The following PTPRD variants were observed in gnomAD, a reference collection of about 807,000 sequenced individuals.
The protein encoded by PTPRD is protein tyrosine phosphatase receptor type D, also known as receptor-type tyrosine-protein phosphatase delta.
A neutral mutation model predicts 214.5 loss-of-function variants in PTPRD; 34 were observed. That is an observed-to-expected ratio of 0.16 (90% confidence interval 0.12 to 0.21). PTPRD has a LOEUF of 0.21. Ranked by LOEUF, PTPRD falls within the 10% of genes least tolerant of loss-of-function variation. The probability of loss-of-function intolerance (pLI) is 1.00; values close to 1 mark genes in which losing one functional copy is unlikely to be tolerated. For synonymous variants in PTPRD, 1,128 were observed against 845.7 expected (o/e 1.33, Z -5.79); for missense variants, 2,545 against 2,398.7 (o/e 1.06, Z -1.27).
intron 9 of PTPRD, among the ~76,000 whole-genome samples, chr9:9,397,015 G>T (rs535747446): frequency 3.3e-5 from 5 of 151,986 alleles, no homozygotes; most frequent in Non-Finnish European, 5.9e-5. Context: ...AATTATGTAA[G>T]CTAAGGAATG....
At chr9:10,483,690 A>T (rs1051374749) in intron 2 of PTPRD, among the ~76,000 whole-genome samples, 5 of 152,180 alleles carry the variant, frequency 3.3e-5, no homozygotes, top group African/African-American at 4.8e-5. Flanking sequence ...AATGTCACTA[A>T]TCATCAGGGA....
At chr9:9,593,056 G>C (rs1339476127) in intron 7 of PTPRD, among the ~76,000 whole-genome samples, 1 of 140,674 alleles carries the variant, frequency 7.1e-6, no homozygotes, top group African/African-American at 2.7e-5. Context: ...AAGAGAAAGA[G>C]AAAGAGAGAA....
intron 11 of PTPRD, among the ~76,000 whole-genome samples, chr9:8,874,494 T>C (rs1193079949): frequency 6.6e-6 from 1 of 152,170 alleles, no homozygotes; most frequent in Non-Finnish European, 1.5e-5. Context: ...TTCCCAATAT[T>C]GTTCCTTCTC....
intron 2 of PTPRD, among the ~76,000 whole-genome samples, chr9:10,412,390 A>C (rs2098445039): frequency 6.6e-6 from 1 of 151,764 alleles, no homozygotes; most frequent in Non-Finnish European, 1.5e-5. Flanking sequence ...TGAACAGACC[A>C]ATAATTAGCT....
At chr9:8,384,023 A>G (rs1398778265) in intron 37 of PTPRD, among the ~76,000 whole-genome samples, 2 of 152,218 alleles carry the variant, frequency 1.3e-5, no homozygotes, top group Non-Finnish European at 2.9e-5. Context: ...AGTCAAGAGA[A>G]GATAGATGAA....
chr9:9,186,659 TCTCTCTCA>T lies in PTPRD; in HGVS notation c.-202-3304_-202-3297del, dbSNP rs1396345859. ...CTCTCTCTCTCTCTCTCTCTCTCTC[TCTCTCTCA>T]CACACACACACACAAACACACGTAT... is the stretch of plus-strand genomic sequence containing the variant. On this transcript the variant is annotated intron_variant, in intron 9 of 45. Transcript: ENST00000381196. 1.9e-3 allele frequency among the ~76,000 whole-genome samples: 236 copies of T among 123,664 alleles called. 2 individuals are homozygous for T. Among genetic ancestry groups the T allele is most frequent in the African/African-American group, 6.1e-3 (219 of 36,128 alleles). 81.1% of individuals were successfully genotyped at this position (123,664 alleles called of 152,430 possible).
rs1250376766 is a variant in PTPRD, at chr9:9,760,615, C to A, written c.-326+6195G>T. 5.0e-5 allele frequency among the ~76,000 whole-genome samples: 6 copies of A among 119,682 alleles called. No individual in the cohort carries two copies. The East Asian group carries it at 1.6e-3, about 31-fold the overall frequency. The allele number at this position is 119,682 out of a possible 152,430, so 78.5% of individuals were successfully genotyped here. A position where few individuals can be genotyped will look rare whatever the true frequency, so the allele number is the denominator to read the frequency against. ...CAGCTATCATACACACACACACACA[C>A]ACACACACACACACACACACACACA... On this transcript the variant is annotated intron_variant, in intron 6 of 45. Coordinates refer to ENST00000381196, the MANE Select transcript of PTPRD (RefSeq NM_002839.4).
At chr9:8,639,942 G>GT (rs1176604244) in intron 12 of PTPRD, among the ~76,000 whole-genome samples, 1 of 152,060 alleles carries the variant, frequency 6.6e-6, no homozygotes, top group African/African-American at 2.4e-5. Context: ...TTTTTTGTTT[G>GT]TTTTTTGAGA....
rs2099075510 is a variant in PTPRD at position 9,806,737 on chromosome 9, C to T, written c.-367-39886G>A. ...ATGCCTAACAGTGATCAGCAGCTTC[C>T]CAAAAAGATCTCAGGAGTTGAGCGA... On this transcript the variant is annotated intron_variant, in intron 5 of 45. Coordinates refer to ENST00000381196, the MANE Select transcript of PTPRD (RefSeq NM_002839.4). 2.0e-5 allele frequency among the ~76,000 whole-genome samples: 3 copies of T among 152,100 alleles called. No individual in the cohort carries two copies. The South Asian group carries it at 6.2e-4, about 31-fold the overall frequency.
At chr9:8,643,839 G>C (rs2096629420) in intron 12 of PTPRD, among the ~76,000 whole-genome samples, 1 of 152,200 alleles carries the variant, frequency 6.6e-6, no homozygotes, top group Admixed American at 6.5e-5. Flanking sequence ...TGAGCAGCCT[G>C]GGTGCCACAG....
At chr9:9,148,264 T>C (rs976937657) in intron 10 of PTPRD, among the ~76,000 whole-genome samples, 1 of 152,136 alleles carries the variant, frequency 6.6e-6, no homozygotes, top group African/African-American at 2.4e-5. Context: ...CTTTGATAAA[T>C]CAGAAAAATG....
intron 2 of PTPRD, among the ~76,000 whole-genome samples, chr9:10,399,940 T>C (rs950786504): frequency 6.6e-6 from 1 of 151,878 alleles, no homozygotes; most frequent in Non-Finnish European, 1.5e-5. Context: ...GTTATATTTA[T>C]GCTGTTGGCA....
chr9:9,271,959 T>C (rs1013607810), intron 9 of PTPRD, among the ~76,000 whole-genome samples: 2 of 151,372 alleles, frequency 1.3e-5, no homozygotes, highest in Non-Finnish European at 3.0e-5. Context: ...ATCTGCTATA[T>C]TGCATTATTA....
intron 12 of PTPRD, among the ~76,000 whole-genome samples, chr9:8,716,540 G>A (rs1597810553): frequency 1.3e-5 from 2 of 151,238 alleles, no homozygotes; most frequent in East Asian, 3.9e-4. Context: ...CAAATTTCTA[G>A]AGGCCCTACA....
Position 10,049,440 on chromosome 9 carries a change from GAA to G in PTPRD, c.-544-15652_-544-15651del, listed in dbSNP as rs34304386. On this transcript the variant is annotated intron_variant, in intron 3 of 45. Transcript: ENST00000381196. ...GAAAGAAAGAAAGAAAGAAAGAAAA[GAA>G]AAAAAAAAACCCTTCTATATGTGTG... Among the ~76,000 whole-genome samples, 7 of 137,850 alleles carry G rather than the reference GAA, an allele frequency of 5.1e-5. No homozygotes were observed. The East Asian group carries it at 8.5e-4, about 17-fold the overall frequency. 90.4% of individuals were successfully genotyped at this position (137,850 alleles called of 152,430 possible). A position where few individuals can be genotyped will look rare whatever the true frequency, so the allele number is the denominator to read the frequency against.
intron 5 of PTPRD, among the ~76,000 whole-genome samples, chr9:9,877,628 A>T (rs746172460): frequency 6.6e-6 from 1 of 152,178 alleles, no homozygotes; most frequent in Non-Finnish European, 1.5e-5. Flanking sequence ...TGTTGGGTAC[A>T]TTCTAGATCA....
intron 8 of PTPRD, among the ~76,000 whole-genome samples, chr9:9,543,705 A>G (rs917560765): frequency 6.6e-6 from 1 of 151,650 alleles, no homozygotes; most frequent in African/African-American, 2.4e-5. Context: ...ACAAACAACA[A>G]AAACAAAAAC....
At chr9:8,966,588 C>G (rs1032035679) in intron 11 of PTPRD, among the ~76,000 whole-genome samples, 8 of 151,944 alleles carry the variant, frequency 5.3e-5, no homozygotes, top group Admixed American at 2.6e-4. Flanking sequence ...CCCCTATATA[C>G]TATATACAAA....
chr9:8,320,647 C>G (rs1826420167), intron 44 of PTPRD, among the ~76,000 whole-genome samples: 1 of 130,190 alleles, frequency 7.7e-6, no homozygotes, highest in Non-Finnish European at 1.7e-5. Flanking sequence ...ACAGGGGTCT[C>G]TAATCTTAAA....
Sources: allele counts gnomAD v4.1 joint callset (sites outside exome capture counted in the v4.1 genomes callset), GRCh38; gene constraint gnomAD v4.1.1; transcripts MANE v1.5; gene names NCBI Gene and HGNC (gene_info 2026-07-23, HGNC 2026-07-21).